SBNO2: variants seen among roughly 807,000 people sequenced by gnomAD.
SBNO2 encodes protein strawberry notch homolog 2.
In SBNO2, 89 loss-of-function variants were observed where a neutral mutation model predicts 146.3. That is an observed-to-expected ratio of 0.61 (90% CI 0.51 to 0.73). The LOEUF (loss-of-function observed/expected upper bound fraction) is 0.73. Among genes scored for constraint, SBNO2 ranks in the 30% least tolerant of loss-of-function variants. The pLI, the probability that SBNO2 is intolerant of heterozygous loss-of-function variation, is 0.00. For missense variants in SBNO2, 2,092 were observed against 2,003.7 expected (o/e 1.04, Z -0.84); for synonymous variants, 1,147 against 892.6 (o/e 1.29, Z -5.08).
At position 1,112,439 on chromosome 19, in the gene SBNO2, C is replaced by A; in HGVS notation, c.2478G>T (p.Glu826Asp). The A allele has an allele frequency of 6.2e-7, 1 of 1,607,472 alleles. No individual in the cohort carries two copies. Among genetic ancestry groups the A allele is most frequent in the Non-Finnish European group, 8.5e-7 (1 of 1,178,768 alleles). The change falls in exon 21 of 32, where the codon GAG becomes GAT. Residue 826 changes from glutamate to aspartate, a missense_variant. By Grantham distance (45) the Glu-to-Asp change is conservative (BLOSUM62 2). Coordinates refer to ENST00000361757, the MANE Select transcript of SBNO2 (RefSeq NM_014963.3). This position sits in a 1 kb window ranked among gnomAD's most constrained non-coding sequence, Gnocchi z 5.9. ...NQRRRVHMTL[E>D]LPWSADRAIQ... ...TGGCGCGGTCGGCGCTCCACGGCAG[C>A]TCCAAGGTCATGTGCACGCGGCGCC...
rs112257863 is a variant in SBNO2, at chr19:1,143,776, C to T, written c.279+3533G>A. ...CTCCAGGTCACCCAGGAAGCTCTCC[C>T]GTCTCGGGTCCATCACTCAGTCCCA... On this transcript the variant is annotated intron_variant, in intron 4 of 31. Transcript: ENST00000361757. Among the ~76,000 whole-genome samples, 717 of 152,188 alleles carry T rather than the reference C, an allele frequency of 4.7e-3. 7 individuals are homozygous for T. Among genetic ancestry groups the T allele is most frequent in the Non-Finnish European group, 3.5e-3 (241 of 67,986 alleles).
intron 10 of SBNO2, 44 bp from the exon 11 acceptor site, chr19:1,122,326 C>T (rs1012320617): frequency 3.3e-6 from 5 of 1,526,856 alleles, no homozygotes; most frequent in Non-Finnish European, 4.4e-6. Context: ...CCCGGCTCAG[C>T]AGGCTCTGGA....
In SBNO2 at chr19:1,108,215, G is replaced by A. The variant is rs2079695780; in HGVS notation, c.*5C>T. 5 of 1,527,254 alleles carry A rather than the reference G, an allele frequency of 3.3e-6. No homozygotes were observed. The highest frequency in any genetic ancestry group is 4.4e-6 in the Non-Finnish European group (5 of 1,135,254). 94.6% of individuals were successfully genotyped at this position (1,527,254 alleles called of 1,614,324 possible). On this transcript the variant is annotated 3_prime_UTR_variant, in exon 32 of 32. Transcript: ENST00000361757. ...GTCTTGGGGCATGTTTCGCCTAAAG[G>A]CGTGTCAGAGAGGAGCCTGGGCGCC... is the stretch of plus-strand genomic sequence containing the variant.
At chr19:1,151,601 T>C (rs2080243118) in intron 2 of SBNO2, among the ~76,000 whole-genome samples, 1 of 152,174 alleles carries the variant, frequency 6.6e-6, no homozygotes. Flanking sequence ...TCCTAGCACA[T>C]AATTGGTCCA....
chr19:1,111,226 GC>G, intron 24 of SBNO2, 133 bp from the exon 25 acceptor site: 1 of 1,020,152 alleles, frequency 9.8e-7, no homozygotes, highest in Non-Finnish European at 1.4e-6. Context: ...CAGGGCCAGG[GC>G]CAGGAGCGGA....
intron 4 of SBNO2, among the ~76,000 whole-genome samples, chr19:1,145,703 GC>G (rs1035511307): frequency 1.1e-4 from 17 of 152,072 alleles, no homozygotes; most frequent in Admixed American, 9.8e-4. Flanking sequence ...CTCTGGACAG[GC>G]GCCTCCCCTG....
At chr19:1,169,930 C>T (rs941582855) in intron 1 of SBNO2, among the ~76,000 whole-genome samples, 1 of 152,170 alleles carries the variant, frequency 6.6e-6, no homozygotes, top group African/African-American at 2.4e-5. Context: ...CAGTCACTCC[C>T]CCGCCTCTAC....
rs919891809 is a variant in SBNO2, at chr19:1,114,110, G to A, written c.2077+121C>T. On this transcript the variant is annotated intron_variant, in intron 18 of 31. Coordinates refer to ENST00000361757, the MANE Select transcript of SBNO2 (RefSeq NM_014963.3). ...TGGACTGAGGGCTACAACCTGGGGT[G>A]GGTGGTGACCGCCAGGAGGCCGGGG... 6 of 869,266 alleles carry A rather than the reference G, an allele frequency of 6.9e-6. No homozygotes were observed. The South Asian group carries it at 1.0e-4, about 14-fold the overall frequency. 53.8% of individuals were successfully genotyped at this position (869,266 alleles called of 1,614,324 possible).
At chr19:1,141,152 G>A (rs916554582) in intron 4 of SBNO2, among the ~76,000 whole-genome samples, 1 of 152,012 alleles carries the variant, frequency 6.6e-6, no homozygotes, top group African/African-American at 2.4e-5. Flanking sequence ...CTGCCTCTTC[G>A]GGGGCAAGCG....
rs1376609003 is a variant in SBNO2 at position 1,109,052 on chromosome 19, C to T, written c.3425+83G>A. 4 of 1,514,266 alleles carry T rather than the reference C, an allele frequency of 2.6e-6. No individual in the cohort carries two copies. In the East Asian group the frequency reaches 7.4e-5, roughly 28 times the overall value. The allele number at this position is 1,514,266 out of a possible 1,614,324, so 93.8% of individuals were successfully genotyped here. ...CAGGTGCCCTGAGATCTCCCGCCTC[C>T]TCTCAGGGTCTCGGGAGCCCCCGAT... is the stretch of plus-strand genomic sequence containing the variant. On this transcript the variant is annotated intron_variant, in intron 30 of 31. Transcript: ENST00000361757. This position sits in a 1 kb window ranked among gnomAD's most constrained non-coding sequence, Gnocchi z 4.2.
Position 1,109,634 on chromosome 19 carries a change from T to TGGG in SBNO2, c.3124-39_3124-37dup. The stretch of plus-strand genomic sequence containing the variant: ...ACGGGGTGGGGGGGTGTGAGTGTGG[T>TGGG]GGGGGCGGGGTGGGCAGAGTGTGAG... On this transcript the variant is annotated intron_variant, in intron 27 of 31. Coordinates refer to ENST00000361757, the MANE Select transcript of SBNO2 (RefSeq NM_014963.3). The surrounding 1 kb of genome is among the most constrained non-coding windows in gnomAD (Gnocchi z 4.2). 3 of 472,356 alleles carry TGGG rather than the reference T, an allele frequency of 6.4e-6. No individual in the cohort carries two copies. The Admixed American group carries it at 1.0e-4, about 16-fold the overall frequency. 29.3% of individuals were successfully genotyped at this position (472,356 alleles called of 1,614,324 possible). A position where few individuals can be genotyped will look rare whatever the true frequency, so the allele number is the denominator to read the frequency against.
In SBNO2 at chr19:1,123,963, G is replaced by A. The variant is rs368012878; in HGVS notation, c.501C>T (p.Thr167=). 162 of 1,611,790 alleles carry A rather than the reference G, an allele frequency of 1.0e-4. 1 individual carries two copies. The highest frequency in any genetic ancestry group is 5.9e-4 in the Admixed American group (35 of 59,826). Reference sequence around the variant, plus strand: ...TCACCTGGTAGCTGACGAGAAGCGGGGTGCTGTGGGAGGGCAGAAAGTCCT... The same window carrying A: ...TCACCTGGTAGCTGACGAGAAGCGGAGTGCTGTGGGAGGGCAGAAAGTCCT... The part of the protein sequence containing the change: ...GFEDFLPSHS[T]PLLVSYQEQS... The change falls in exon 6 of 32, where the codon ACC becomes ACT. Residue 167 remains threonine, a synonymous_variant. Transcript: ENST00000361757.
At chr19:1,152,108 C>T (rs753898006) in intron 2 of SBNO2, among the ~76,000 whole-genome samples, 5 of 152,228 alleles carry the variant, frequency 3.3e-5, no homozygotes, top group Non-Finnish European at 5.9e-5. Flanking sequence ...ATGAGCCTCA[C>T]ACACGGGATG....
intron 1 of SBNO2, among the ~76,000 whole-genome samples, chr19:1,172,213 C>T (rs926322447): frequency 2.0e-5 from 3 of 152,210 alleles, no homozygotes; most frequent in East Asian, 1.9e-4. Flanking sequence ...TCTCCAAGGA[C>T]GAGAGCCTGC....
chr19:1,132,290 G>T (rs1023987533), intron 4 of SBNO2: 2 of 1,312,198 alleles, frequency 1.5e-6, no homozygotes, highest in East Asian at 3.1e-5. Flanking sequence ...AGTCACCGCC[G>T]CCGGCGCCTA....
intron 4 of SBNO2, 78 bp from the exon 5 acceptor site, chr19:1,127,843 T>C (rs2074917): frequency 0.058 from 79,468 of 1,367,664 alleles, 3,456 homozygotes; most frequent in East Asian, 0.19. Context: ...CACGTGGGGA[T>C]GGGAGACACC....
At chr19:1,163,471 C>T (rs993377270) in intron 1 of SBNO2, among the ~76,000 whole-genome samples, 2 of 152,230 alleles carry the variant, frequency 1.3e-5, no homozygotes, top group African/African-American at 4.8e-5. Flanking sequence ...ACTGCTGCGG[C>T]CGCCACGAGA....
rs779573870 is a variant in SBNO2 at position 1,147,429 on chromosome 19, A to AGACG, written c.168-10_168-9insCGTC. On this transcript the variant is annotated splice_polypyrimidine_tract_variant and intron_variant, in intron 3 of 31. Coordinates refer to ENST00000361757, the MANE Select transcript of SBNO2 (RefSeq NM_014963.3). ...CGGAGCTCATGAACGGGCTGGAGGG[A>AGACG]GATGGGGGGGGGGGAGGTGAGATGG... The AGACG allele has an allele frequency of 1.7e-6, 1 of 596,806 alleles. No individual in the cohort carries two copies. Among genetic ancestry groups the AGACG allele is most frequent in the Non-Finnish European group, 2.6e-6 (1 of 391,306 alleles). The allele number at this position is 596,806 out of a possible 1,614,324, so 37.0% of individuals were successfully genotyped here. A position where few individuals can be genotyped will look rare whatever the true frequency, so the allele number is the denominator to read the frequency against.
intron 14 of SBNO2, 51 bp from the exon 15 acceptor site, chr19:1,117,550 ACCCGGGC>A: frequency 6.7e-7 from 1 of 1,502,084 alleles, no homozygotes; most frequent in South Asian, 1.3e-5. Context: ...CTGGCTCCCG[ACCCGGGC>A]CCCGGCCCAC....
Sources: gnomAD v4.1 joint callset for allele counts (sites outside exome capture counted in the v4.1 genomes callset) on GRCh38, gnomAD v4.1.1 for gene constraint, Gnocchi (gnomAD v3.1) non-coding constraint, MANE v1.5 for transcripts, NCBI Gene and HGNC (gene_info 2026-07-23, HGNC 2026-07-21) for gene names.